Variants in CBFA2T3 observed in about 807,000 individuals in gnomAD.
The protein encoded by CBFA2T3 is transcriptional corepressor CBFA2T3.
Under a neutral mutation model 58.6 loss-of-function variants are expected in CBFA2T3, and 31 were observed. The ratio of observed to expected loss-of-function variants is 0.53; its 90% CI spans 0.40 to 0.71. The LOEUF (loss-of-function observed/expected upper bound fraction) is 0.71, where lower values mean the gene tolerates loss of function less well. CBFA2T3 is among the 30% of genes least tolerant of loss of function. The pLI is 0.00. For missense variants in CBFA2T3, 1,076 were observed against 963.1 expected, an observed-to-expected ratio of 1.12 and a Z score of -1.55; for synonymous variants, 531 against 421.9, an observed-to-expected ratio of 1.26 and a Z score of -3.17.
chr16:88,902,976 C>T (rs1347987513), intron 1 of CBFA2T3, among the ~76,000 whole-genome samples: 1 of 152,150 alleles, frequency 6.6e-6, no homozygotes, highest in Admixed American at 6.5e-5. Context: ...CTGCACCCTC[C>T]TCCTGTTAAC....
intron 9 of CBFA2T3, 111 bp downstream of exon 9, chr16:88,881,180 G>T (rs750442615): frequency 2.0e-6 from 2 of 1,003,622 alleles, no homozygotes; most frequent in Non-Finnish European, 1.6e-6. Context: ...TCTTTCTCAA[G>T]CGAAACTGTT....
chr16:88,945,971 G>GTGTT (rs1206961663), intron 1 of CBFA2T3, among the ~76,000 whole-genome samples: 2 of 152,202 alleles, frequency 1.3e-5, no homozygotes, highest in African/African-American at 4.8e-5. Flanking sequence ...AGACGATAGA[G>GTGTT]TGTTATCCAT....
chr16:88,899,318 G>GA (rs1248654748), intron 2 of CBFA2T3, among the ~76,000 whole-genome samples: 1 of 151,650 alleles, frequency 6.6e-6, no homozygotes, highest in African/African-American at 2.4e-5. Flanking sequence ...GGCTTTCACG[G>GA]AATTGTGTGG....
chr16:88,920,231 C>G (rs930983681), intron 1 of CBFA2T3, among the ~76,000 whole-genome samples: 44 of 152,298 alleles, frequency 2.9e-4, no homozygotes, highest in African/African-American at 9.9e-4. Flanking sequence ...CAACTGGCTG[C>G]CAAGTACTTG....
chr16:88,890,774 T>C (rs1969599342), intron 5 of CBFA2T3, among the ~76,000 whole-genome samples: 1 of 152,160 alleles, frequency 6.6e-6, no homozygotes, highest in Admixed American at 6.5e-5. Flanking sequence ...TGGAGTGCAG[T>C]GGCGTGATCA....
chr16:88,969,889 C>G (rs1394706104), intron 1 of CBFA2T3, among the ~76,000 whole-genome samples: 4 of 152,202 alleles, frequency 2.6e-5, no homozygotes, highest in Non-Finnish European at 4.4e-5. Context: ...TTCACCCCAT[C>G]CCCCTCCACA....
chr16:88,963,496 T>A (rs1386589789), intron 1 of CBFA2T3, among the ~76,000 whole-genome samples: 1 of 152,116 alleles, frequency 6.6e-6, no homozygotes, highest in African/African-American at 2.4e-5. Context: ...CCAGAGCACA[T>A]CATCAACCTC....
chr16:88,927,406 C>T (rs1258813013), intron 1 of CBFA2T3, among the ~76,000 whole-genome samples: 1 of 152,194 alleles, frequency 6.6e-6, no homozygotes, highest in African/African-American at 2.4e-5. Context: ...AGATCCTGAC[C>T]CCAGACCCAG....
intron 1 of CBFA2T3, among the ~76,000 whole-genome samples, chr16:88,964,597 C>G (rs1416407703): frequency 6.6e-6 from 1 of 152,204 alleles, no homozygotes; most frequent in East Asian, 1.9e-4. Context: ...GACTGGCTCC[C>G]TCATCGCGGA....
chr16:88,967,221 C>T (rs1028083248), intron 1 of CBFA2T3, among the ~76,000 whole-genome samples: 35 of 130,922 alleles, frequency 2.7e-4, no homozygotes, highest in African/African-American at 1.1e-3. Context: ...TGCCACCCCC[C>T]CAGCCCCCGA....
In CBFA2T3 at chr16:88,976,103, G is replaced by A. The variant is rs183165345; in HGVS notation, c.151+554C>T. Among the ~76,000 whole-genome samples the A allele has an allele frequency of 4.8e-4, 73 of 152,314 alleles. 1 individual carries two copies. In the East Asian group the frequency reaches 0.01, roughly 21 times the overall value. On this transcript the variant is annotated intron_variant, in intron 1 of 11. Coordinates refer to ENST00000268679, the MANE Select transcript of CBFA2T3 (RefSeq NM_005187.6). ...TGGACTGGACCCCTCCCCAGAGCCC[G>A]AAGCCCCCAGAAGGGCAGGCCCAGG...
At chr16:88,940,556 G>A (rs1311276753) in intron 1 of CBFA2T3, among the ~76,000 whole-genome samples, 2 of 152,228 alleles carry the variant, frequency 1.3e-5, no homozygotes, top group Non-Finnish European at 2.9e-5. Context: ...AGGACCCCCA[G>A]CGCGGACCAC....
chr16:88,926,690 C>T (rs892859899), intron 1 of CBFA2T3, among the ~76,000 whole-genome samples: 1 of 152,222 alleles, frequency 6.6e-6, no homozygotes, highest in Non-Finnish European at 1.5e-5. Flanking sequence ...TGGTCCCGTG[C>T]GTGCCAGGGT....
chr16:88,952,968 TCCAGGACCCCCACGCAGGG>T (rs1972118749), intron 1 of CBFA2T3, among the ~76,000 whole-genome samples: 13 of 149,406 alleles, frequency 8.7e-5, no homozygotes, highest in Non-Finnish European at 1.3e-4. Context: ...AGACGGCATG[TCCAGGACCCCCACGCAGGG>T]CCTGTGTCGA....
In CBFA2T3 at chr16:88,893,210, G is replaced by A. The variant is rs145406119; in HGVS notation, c.380-725C>T. Among the ~76,000 whole-genome samples the A allele has an allele frequency of 1.1e-3, 166 of 146,612 alleles. 3 individuals carry two copies. Among genetic ancestry groups the A allele is most frequent in the African/African-American group, 4.2e-3 (164 of 38,670 alleles). ...CCCACAACAGGTGCCTCCCAGCCCT[G>A]AGCAATGTGCCTCCCCACACACAGG... is the stretch of plus-strand genomic sequence containing the variant. On this transcript the variant is annotated intron_variant, in intron 3 of 11. Transcript: ENST00000268679.
intron 2 of CBFA2T3, among the ~76,000 whole-genome samples, chr16:88,898,452 C>G: frequency 6.6e-6 from 1 of 152,362 alleles, no homozygotes; most frequent in East Asian, 1.9e-4. Flanking sequence ...GGCCACTCCC[C>G]TCTCCGAGCC....
intron 1 of CBFA2T3, among the ~76,000 whole-genome samples, chr16:88,961,998 C>T (rs1972373894): frequency 6.6e-6 from 1 of 150,480 alleles, no homozygotes; most frequent in Non-Finnish European, 1.5e-5. Flanking sequence ...ACTGGGCATT[C>T]CCATTCCATA....
At chr16:88,948,634 G>C (rs916439529) in intron 1 of CBFA2T3, among the ~76,000 whole-genome samples, 1 of 152,240 alleles carries the variant, frequency 6.6e-6, no homozygotes, top group African/African-American at 2.4e-5. Context: ...CGGCATCGCT[G>C]CTTTTGCAGA....
chr16:88,966,637 A>G (rs1039596548), intron 1 of CBFA2T3, among the ~76,000 whole-genome samples: 1 of 151,970 alleles, frequency 6.6e-6, no homozygotes, highest in Non-Finnish European at 1.5e-5. Flanking sequence ...TCCACAAACA[A>G]GGAATTCCTC....
Sources: gnomAD v4.1 joint callset for allele counts (sites outside exome capture counted in the v4.1 genomes callset) on GRCh38, gnomAD v4.1.1 for gene constraint, MANE v1.5 for transcripts, NCBI Gene and HGNC (gene_info 2026-07-23, HGNC 2026-07-21) for gene names.